TUBGCP3: variants seen among roughly 807,000 people sequenced by gnomAD.
TUBGCP3 encodes the protein gamma-tubulin complex component 3.
In TUBGCP3, 50 loss-of-function variants were observed where a neutral mutation model predicts 123.1. The observed-to-expected ratio is 0.41, with a 90% CI of 0.32 to 0.51. The LOEUF (loss-of-function observed/expected upper bound fraction) is 0.51. Among genes scored for constraint, TUBGCP3 ranks in the 20% least tolerant of loss-of-function variants. The pLI is 0.36. For synonymous variants in TUBGCP3, 405 were observed against 413.9 expected, an observed-to-expected ratio of 0.98 and a Z score of 0.26; for missense variants, 882 against 1,127.0, an observed-to-expected ratio of 0.78 and a Z score of 3.11.
At chr13:112,500,528 T>C (rs148698715) in intron 19 of TUBGCP3, among the ~76,000 whole-genome samples, 50 of 152,242 alleles carry the variant, frequency 3.3e-4, no homozygotes, top group Admixed American at 9.2e-4. Flanking sequence ...AAATTAGAGA[T>C]CGAAATAACA....
chr13:112,546,172 A>T (rs1190407123), intron 10 of TUBGCP3: 1 of 281,500 alleles, frequency 3.6e-6, no homozygotes, highest in Non-Finnish European at 6.8e-6. Flanking sequence ...AGTTCACATG[A>T]CTTTTCATGC....
chr13:112,518,038 C>G (rs1357354187), intron 16 of TUBGCP3, among the ~76,000 whole-genome samples: 1 of 152,044 alleles, frequency 6.6e-6, no homozygotes, highest in Non-Finnish European at 1.5e-5. Flanking sequence ...AAGTTATACA[C>G]TTAAAATATA....
At chr13:112,515,353 G>C (rs1430202457) in intron 17 of TUBGCP3, among the ~76,000 whole-genome samples, 1 of 152,126 alleles carries the variant, frequency 6.6e-6, no homozygotes, top group African/African-American at 2.4e-5. Flanking sequence ...CCTCGTGAAG[G>C]GGGCAGCCAG....
chr13:112,486,276 A>C, intron 21 of TUBGCP3, 125 bp from the exon 22 acceptor site: 2 of 1,194,426 alleles, frequency 1.7e-6, no homozygotes, highest in Non-Finnish European at 2.3e-6. Context: ...GCCCTTAGTA[A>C]ATGCCCACCA....
At position 112,545,738 on chromosome 13, in the gene TUBGCP3, G is replaced by A. The variant is rs773724835; in HGVS notation, c.1296C>T (p.Arg432=). Residue 432 remains arginine, a synonymous_variant, in exon 11 of 22, where the codon CGC becomes CGT. Transcript: ENST00000261965. The surrounding 1 kb of genome is among the most constrained non-coding windows in gnomAD (Gnocchi z 4.1). ...VSHPVLSFLY[R]WIYDGELEDT... ...CCTCAAGCTCCCCATCATATATCCA[G>A]CGGTACAGGAAGCTCAAAACAGGAT... The A allele has an allele frequency of 6.8e-6, 11 of 1,614,054 alleles. No individual in the cohort carries two copies. The East Asian group carries it at 2.5e-4, about 36-fold the overall frequency.
At position 112,547,733 on chromosome 13, in the gene TUBGCP3, T is replaced by A; in HGVS notation, c.1055A>T (p.Gln352Leu). 6.6e-7 allele frequency: 1 copy of A among 1,516,638 alleles called. No individual in the cohort carries two copies. 93.9% of individuals were successfully genotyped at this position (1,516,638 alleles called of 1,614,324 possible). The change falls in exon 10 of 22, where the codon CAG becomes CTG. Residue 352 changes from glutamine to leucine, a missense_variant. Gln to Leu is a moderately radical substitution (Grantham distance 113). This residue lies in a region of TUBGCP3 where 713 missense variants were observed against 874.0 expected (regional missense o/e 0.82). Transcript: ENST00000261965. The part of the protein sequence containing the change: ...LHSQLQLEDD[Q>L]GVNLGLESSL... ...ACTCTCAAGTCCCAAATTCACACCC[T>A]GGTCATCCTCTAGTTGTAGCTAAAA... is the stretch of plus-strand genomic sequence containing the variant.
chr13:112,511,026 A>G lies in TUBGCP3; in HGVS notation c.2086+5414T>C, dbSNP rs935134201. On this transcript the variant is annotated intron_variant, in intron 17 of 21. Transcript: ENST00000261965. This position sits in a 1 kb window ranked among gnomAD's most constrained non-coding sequence, Gnocchi z 4.1. ...ACATTAAGGATACAAAACACAGGAT[A>G]CAAAAACACAGATAGATACACAAAG... 6.6e-6 allele frequency among the ~76,000 whole-genome samples: 1 copy of G among 152,254 alleles called. No individual in the cohort carries two copies. The highest frequency in any genetic ancestry group is 1.5e-5 in the Non-Finnish European group (1 of 68,046).
intron 11 of TUBGCP3, among the ~76,000 whole-genome samples, chr13:112,542,041 AAC>A (rs1417231370): frequency 6.6e-6 from 1 of 152,280 alleles, no homozygotes; most frequent in Admixed American, 6.5e-5. Context: ...TGAGAACAGT[AAC>A]ACACAGAACT....
intron 3 of TUBGCP3, among the ~76,000 whole-genome samples, chr13:112,563,932 C>T (rs184022272): frequency 6.6e-6 from 1 of 150,870 alleles, no homozygotes; most frequent in East Asian, 1.9e-4. Context: ...TTAACAAATA[C>T]AACAGCTTTT....
In TUBGCP3 at chr13:112,524,349, A is replaced by G. The variant is rs1182981302; in HGVS notation, c.1556-1840T>C. Among the ~76,000 whole-genome samples, 5 of 152,064 alleles carry G rather than the reference A, an allele frequency of 3.3e-5. No individual in the cohort carries two copies. The highest frequency in any genetic ancestry group is 7.4e-5 in the Non-Finnish European group (5 of 68,014). On this transcript the variant is annotated intron_variant, in intron 13 of 21. Transcript: ENST00000261965. This position sits in a 1 kb window ranked among gnomAD's most constrained non-coding sequence, Gnocchi z 4.4. ...AATCTGCAGATGTGGGGCGGTGGGT[A>G]CAGGGGCCGCCAGCAGCACAGCAGA...
At chr13:112,492,051 G>A (rs1221627607) in intron 20 of TUBGCP3, among the ~76,000 whole-genome samples, 1 of 152,224 alleles carries the variant, frequency 6.6e-6, no homozygotes, top group Non-Finnish European at 1.5e-5. Context: ...CAGCCAGGCA[G>A]TGACACTGTG....
At chr13:112,604,111 A>G in the TUBGCP3 span, 1 of 152,224 alleles carries the variant, frequency 6.6e-6, no homozygotes, top group East Asian at 1.9e-4. Context: ...GTGAGAAAAC[A>G]ATCCAGTCAA....
At chr13:112,579,329 G>A (rs1882101942) in intron 1 of TUBGCP3, among the ~76,000 whole-genome samples, 1 of 151,472 alleles carries the variant, frequency 6.6e-6, no homozygotes, top group Non-Finnish European at 1.5e-5. Context: ...CTGAGTGACA[G>A]TGGGGCCACG....
chr13:112,551,205 G>T (rs1020820287), intron 8 of TUBGCP3, among the ~76,000 whole-genome samples: 1 of 152,236 alleles, frequency 6.6e-6, no homozygotes, highest in Non-Finnish European at 1.5e-5. Context: ...CTTCTGAGAA[G>T]TCTACAACCA....
At chr13:112,503,537 T>C (rs2002204) in intron 19 of TUBGCP3, among the ~76,000 whole-genome samples, 2,426 of 152,044 alleles carry the variant, frequency 0.016, 73 homozygotes, top group African/African-American at 0.055. Flanking sequence ...GACCGGCTAG[T>C]GTGTATTTTT....
At chr13:112,575,362 G>A (rs945738641) in intron 1 of TUBGCP3, among the ~76,000 whole-genome samples, 2 of 152,326 alleles carry the variant, frequency 1.3e-5, no homozygotes, top group South Asian at 2.1e-4. Context: ...CAAGGATAAA[G>A]TAGGGATCAC....
At position 112,556,150 on chromosome 13, in the gene TUBGCP3, G is replaced by A; in HGVS notation, c.623C>T (p.Thr208Ile). Residue 208 changes from threonine to isoleucine, a missense_variant, in exon 6 of 22, where the codon ACT becomes ATT. Coordinates refer to ENST00000261965, the MANE Select transcript of TUBGCP3 (RefSeq NM_006322.6). ...GGCTTGTGAAGAAGGCTGATTTGCA[G>A]TTAAAGTCCATGCGAGTCGTGACCC... is the stretch of plus-strand genomic sequence containing the variant. ...QLGSRLAWTL[T>I]ANQPSSQATT... 5 of 1,614,100 alleles carry A rather than the reference G, an allele frequency of 3.1e-6. No homozygotes were observed. Among genetic ancestry groups the A allele is most frequent in the Non-Finnish European group, 4.2e-6 (5 of 1,180,016 alleles).
chr13:112,537,760 C>T (rs1172405134), intron 11 of TUBGCP3, among the ~76,000 whole-genome samples: 1 of 152,162 alleles, frequency 6.6e-6, no homozygotes, highest in Non-Finnish European at 1.5e-5. Flanking sequence ...GAGAAGCCAT[C>T]GGCTCCTGCA....
chr13:112,504,919 C>CTA (rs1237889674), intron 17 of TUBGCP3, among the ~76,000 whole-genome samples: 1 of 152,116 alleles, frequency 6.6e-6, no homozygotes, highest in Non-Finnish European at 1.5e-5. Context: ...CCAAGTAGTA[C>CTA]TATACTACTT....
Sources: allele counts gnomAD v4.1 joint callset (sites outside exome capture counted in the v4.1 genomes callset), GRCh38; gene constraint gnomAD v4.1.1; regional missense constraint gnomAD v4.1.1; non-coding constraint Gnocchi (gnomAD v3.1); transcripts MANE v1.5; gene names NCBI Gene and HGNC (gene_info 2026-07-23, HGNC 2026-07-21).